The following PIERCE1 variants were observed in gnomAD, a reference collection of about 807,000 sequenced individuals.
The protein encoded by PIERCE1 is piercer of microtubule wall 1 protein.
At chr9:135,497,974 G>A in the PIERCE1 span, among the ~76,000 whole-genome samples, 5 of 152,314 alleles carry the variant, frequency 3.3e-5, no homozygotes, top group Middle Eastern at 3.4e-3. Flanking sequence ...AGGTGTGCAG[G>A]AGACACCGCA....
At chr9:135,499,431 G>C in the PIERCE1 span, 1 of 676,030 alleles carries the variant, frequency 1.5e-6, no homozygotes, top group Admixed American at 2.1e-5. Context: ...GTAGAGAGGA[G>C]AGGAGACTCA....
the PIERCE1 span, chr9:135,499,152 C>A: frequency 3.3e-6 from 1 of 306,888 alleles, no homozygotes; most frequent in Non-Finnish European, 6.3e-6. Context: ...CATAGCTTTA[C>A]TTTATACTCC....
chr9:135,495,691 A>T, the PIERCE1 span: 1 of 1,353,412 alleles, frequency 7.4e-7, no homozygotes, highest in Non-Finnish European at 1.0e-6. Context: ...TTGAAAGAAA[A>T]ATAAGAATTC....
chr9:135,495,777 C>G, the PIERCE1 span, among the ~76,000 whole-genome samples: 4 of 152,174 alleles, frequency 2.6e-5, no homozygotes, highest in Non-Finnish European at 5.9e-5. Context: ...ATGCCCGATG[C>G]CTGGCACTTG....
chr9:135,495,451 G>A, the PIERCE1 span: 3 of 1,614,030 alleles, frequency 1.9e-6, no homozygotes, highest in Non-Finnish European at 2.5e-6. Flanking sequence ...ATGGCCTGTT[G>A]ATGTTGTAAC....
the PIERCE1 span, chr9:135,499,804 C>T: frequency 6.2e-7 from 1 of 1,603,904 alleles, no homozygotes; most frequent in East Asian, 2.3e-5. Context: ...GGGCCGTGGC[C>T]TTGGGCGCCA....
the PIERCE1 span, chr9:135,499,484 T>TC: frequency 6.9e-6 from 5 of 719,694 alleles, no homozygotes; most frequent in Admixed American, 2.0e-5. Flanking sequence ...CTGGGCTTTC[T>TC]CCCCCCACGG....
the PIERCE1 span, among the ~76,000 whole-genome samples, chr9:135,497,222 G>A: frequency 6.6e-6 from 1 of 152,222 alleles, no homozygotes; most frequent in African/African-American, 2.4e-5. Flanking sequence ...AGGTGGATAA[G>A]AAGGAGGAGA....
At chr9:135,499,766 C>T in the PIERCE1 span, 1 of 1,606,786 alleles carries the variant, frequency 6.2e-7, no homozygotes, top group Non-Finnish European at 8.5e-7. Context: ...CGCGCTCACG[C>T]GGTAGTAGTC....
At chr9:135,498,486 C>T in the PIERCE1 span, 2 of 973,894 alleles carry the variant, frequency 2.1e-6, no homozygotes, top group Non-Finnish European at 1.6e-6. This position sits in a 1 kb window ranked among gnomAD's most constrained non-coding sequence, Gnocchi z 4.1. Context: ...TGCACCCCTC[C>T]CCGTCTCATT....
the PIERCE1 span, chr9:135,499,421 G>A: frequency 6.0e-6 from 4 of 663,098 alleles, no homozygotes; most frequent in Non-Finnish European, 1.1e-5. Context: ...GAGTTTCAGG[G>A]TAGAGAGGAG....
At chr9:135,499,539 C>T in the PIERCE1 span, 1 of 925,482 alleles carries the variant, frequency 1.1e-6, no homozygotes, top group South Asian at 1.4e-5. Flanking sequence ...GTATGAGGCT[C>T]TAGGGAGCAC....
chr9:135,499,426 G>A, the PIERCE1 span: 6 of 669,542 alleles, frequency 9.0e-6, no homozygotes, highest in Admixed American at 8.3e-5. Flanking sequence ...TCAGGGTAGA[G>A]AGGAGAGGAG....
chr9:135,499,423 A>T, the PIERCE1 span: 1 of 656,174 alleles, frequency 1.5e-6, no homozygotes, highest in Admixed American at 2.1e-5. Context: ...GTTTCAGGGT[A>T]GAGAGGAGAG....
chr9:135,499,790 G>A, the PIERCE1 span: 9 of 1,604,620 alleles, frequency 5.6e-6, no homozygotes, highest in South Asian at 5.6e-5. Flanking sequence ...GGTCCTCTCC[G>A]GCGGGGCCGT....
the PIERCE1 span, chr9:135,499,670 C>T: frequency 6.2e-7 from 1 of 1,602,264 alleles, no homozygotes; most frequent in Non-Finnish European, 8.5e-7. Flanking sequence ...GGCTATCGAG[C>T]AGTGGACGCC....
chr9:135,497,735 T>A, the PIERCE1 span, among the ~76,000 whole-genome samples: 1 of 152,326 alleles, frequency 6.6e-6, no homozygotes, highest in Admixed American at 6.5e-5. Context: ...GTGTCTGGTC[T>A]TTTTCATAGA....
At chr9:135,499,675 G>T in the PIERCE1 span, 1 of 1,604,246 alleles carries the variant, frequency 6.2e-7, no homozygotes, top group Non-Finnish European at 8.5e-7. Context: ...TCGAGCAGTG[G>T]ACGCCAGGAC....
the PIERCE1 span, chr9:135,499,448 A>C: frequency 1.4e-6 from 1 of 692,024 alleles, no homozygotes; most frequent in Non-Finnish European, 2.7e-6. Flanking sequence ...CTCACCCGAC[A>C]CAAATCAGTG....
Sources: gnomAD v4.1 joint callset for allele counts (sites outside exome capture counted in the v4.1 genomes callset) on GRCh38, gnomAD v4.1.1 for gene constraint, Gnocchi (gnomAD v3.1) non-coding constraint, MANE v1.5 for transcripts, NCBI Gene and HGNC (gene_info 2026-07-23, HGNC 2026-07-21) for gene names.